CDH2: variants seen among roughly 807,000 people sequenced by gnomAD.
The protein encoded by CDH2 is cadherin-2.
CDH2 carries 17 observed loss-of-function variants against 92.0 expected under a neutral mutation model. That is an observed-to-expected ratio of 0.18 (90% CI 0.13 to 0.28). The LOEUF is 0.28. Ranked by LOEUF, CDH2 falls within the 10% of genes least tolerant of loss-of-function variation. The probability of loss-of-function intolerance (pLI) is 1.00; values close to 1 mark genes in which losing one functional copy is unlikely to be tolerated. For missense variants in CDH2, 862 were observed against 1,133.1 expected, an observed-to-expected ratio of 0.76 and a Z score of 3.44; for synonymous variants, 419 against 415.9, an observed-to-expected ratio of 1.01 and a Z score of -0.09.
intron 1 of CDH2, among the ~76,000 whole-genome samples, chr18:28,172,079 GT>G (rs1229657917): frequency 1.0e-4 from 14 of 135,544 alleles, no homozygotes; most frequent in African/African-American, 4.1e-4. Context: ...CATTTGGGGT[GT>G]GTGTGTGTGT....
At chr18:28,036,448 T>A in intron 2 of CDH2, 1 of 1,140,486 alleles carries the variant, frequency 8.8e-7, no homozygotes, top group Non-Finnish European at 1.3e-6. Flanking sequence ...TGTTATGGAA[T>A]GAATAAGGCA....
downstream of CDH2, among the ~76,000 whole-genome samples, chr18:27,947,329 A>G (rs1378313769): frequency 6.6e-6 from 1 of 151,864 alleles, no homozygotes; most frequent in African/African-American, 2.4e-5. Flanking sequence ...ATAAAATGAG[A>G]TGTTTAGTGA....
intron 2 of CDH2, chr18:28,045,362 G>C (rs2014053176): frequency 2.2e-6 from 1 of 460,938 alleles, no homozygotes; most frequent in Admixed American, 2.4e-5. Context: ...AAGCTTATCA[G>C]GTTTAAACTT....
At chr18:27,944,572 C>T (rs1286428325) in intron 6 of CDH2, among the ~76,000 whole-genome samples, 1 of 151,906 alleles carries the variant, frequency 6.6e-6, no homozygotes, top group African/African-American at 2.4e-5. Context: ...ATGTTCTAAT[C>T]AACAGGCTTC....
intron 14 of CDH2, among the ~76,000 whole-genome samples, chr18:27,967,857 G>A (rs893763513): frequency 1.3e-5 from 2 of 152,292 alleles, no homozygotes; most frequent in Admixed American, 6.5e-5. Flanking sequence ...ATGATACAAC[G>A]AGTTTAACTC....
In CDH2 at chr18:28,154,693, T is replaced by C. The variant is rs559618766; in HGVS notation, c.61-6909A>G. On this transcript the variant is annotated intron_variant, in intron 1 of 15. Transcript: ENST00000269141. The stretch of plus-strand genomic sequence containing the variant: ...TCATTATTCTTTTTCATAGTCATCC[T>C]TGGTCACTCAATCTGCTTTCCAATT... 1.2e-4 allele frequency among the ~76,000 whole-genome samples: 19 copies of C among 152,330 alleles called. 1 individual carries two copies. The South Asian group carries it at 3.7e-3, about 30-fold the overall frequency.
intron 2 of CDH2, among the ~76,000 whole-genome samples, chr18:28,048,565 G>A (rs966640056): frequency 6.6e-6 from 1 of 152,180 alleles, no homozygotes; most frequent in African/African-American, 2.4e-5. Context: ...GGCACGGAGA[G>A]ACTGGCATTA....
intron 14 of CDH2, among the ~76,000 whole-genome samples, chr18:27,979,899 C>T (rs998692137): frequency 1.4e-4 from 21 of 152,310 alleles, no homozygotes; most frequent in African/African-American, 5.1e-4. Flanking sequence ...CTTAACCCTA[C>T]AGAAAGCATC....
chr18:28,136,065 A>C (rs1368237445), intron 2 of CDH2, among the ~76,000 whole-genome samples: 1 of 152,200 alleles, frequency 6.6e-6, no homozygotes, highest in Admixed American at 6.5e-5. Flanking sequence ...CATTTTCTCA[A>C]ATGCACAATA....
At chr18:28,045,930 C>T (rs1321609435) in intron 2 of CDH2, among the ~76,000 whole-genome samples, 2 of 152,194 alleles carry the variant, frequency 1.3e-5, no homozygotes, top group East Asian at 1.9e-4. Context: ...TGTAGACATT[C>T]AGCTCAGTGA....
At chr18:28,012,789 G>T (rs1302526800) in intron 3 of CDH2, among the ~76,000 whole-genome samples, 1 of 152,008 alleles carries the variant, frequency 6.6e-6, no homozygotes, top group African/African-American at 2.4e-5. Flanking sequence ...CCACAACACT[G>T]AAATAAGAGA....
At position 27,990,286 on chromosome 18, in the gene CDH2, A is replaced by G. The variant is rs1567952487; in HGVS notation, c.1409T>C (p.Leu470Ser). Reference protein sequence around the residue: ...LTVAAENQVPLAKGIQHPPQS... With the variant: ...LTVAAENQVPSAKGIQHPPQS... ...AGGGGGGTGCTGAATTCCCTTGGCT[A>G]ATGGCACTTGATTTTCTGCAGCAAC... is the stretch of plus-strand genomic sequence containing the variant. Residue 470 changes from leucine to serine, a missense_variant, in exon 10 of 16, where the codon TTA (leucine) becomes TCA (serine). By Grantham distance (145) the Leu-to-Ser change is moderately radical. This residue lies in a region of CDH2 where 564 missense variants were observed against 722.2 expected (regional missense o/e 0.78). Transcript: ENST00000269141. The G allele has an allele frequency of 6.2e-7, 1 of 1,613,764 alleles. No individual in the cohort carries two copies. The highest frequency in any genetic ancestry group is 8.5e-7 in the Non-Finnish European group (1 of 1,179,682).
chr18:28,169,105 T>C (rs1014186192), intron 1 of CDH2, among the ~76,000 whole-genome samples: 2 of 152,156 alleles, frequency 1.3e-5, no homozygotes, highest in African/African-American at 4.8e-5. Flanking sequence ...AAATTAAAAA[T>C]ACTTAATTTC....
At chr18:27,982,845 G>A in intron 14 of CDH2, 99 bp downstream of exon 14, 1 of 704,952 alleles carries the variant, frequency 1.4e-6, no homozygotes. Flanking sequence ...TAACAGGAGG[G>A]AAACCTGATA....
chr18:28,035,747 T>C (rs2013809827), intron 2 of CDH2, among the ~76,000 whole-genome samples: 1 of 152,102 alleles, frequency 6.6e-6, no homozygotes, highest in African/African-American at 2.4e-5. Context: ...TAAAGTTCTT[T>C]GTCATAGCTG....
chr18:27,965,287 G>A (rs17445662), intron 14 of CDH2, among the ~76,000 whole-genome samples: 10 of 152,162 alleles, frequency 6.6e-5, no homozygotes, highest in Admixed American at 6.5e-4. Flanking sequence ...GCAGGTGAAG[G>A]CACTCACATA....
At chr18:28,019,330 G>T (rs1359338847) in intron 2 of CDH2, among the ~76,000 whole-genome samples, 2 of 150,534 alleles carry the variant, frequency 1.3e-5, no homozygotes, top group East Asian at 3.9e-4. Context: ...AATGAAGAAA[G>T]AAGAAAGGAA....
At chr18:28,130,802 C>T (rs894906352) in intron 2 of CDH2, among the ~76,000 whole-genome samples, 16 of 152,178 alleles carry the variant, frequency 1.1e-4, no homozygotes, top group Non-Finnish European at 2.2e-4. Flanking sequence ...GCAATAACCC[C>T]TCTTTCAAAG....
chr18:27,993,188 A>G (rs1236476194), intron 8 of CDH2, among the ~76,000 whole-genome samples: 1 of 152,256 alleles, frequency 6.6e-6, no homozygotes, highest in Admixed American at 6.5e-5. Flanking sequence ...ACAAAGTAGC[A>G]TAAATCAGTC....
Sources: allele counts gnomAD v4.1 joint callset (sites outside exome capture counted in the v4.1 genomes callset), GRCh38; gene constraint gnomAD v4.1.1; regional missense constraint gnomAD v4.1.1; transcripts MANE v1.5; gene names NCBI Gene and HGNC (gene_info 2026-07-23, HGNC 2026-07-21).